TLN2: variants seen among roughly 807,000 people sequenced by gnomAD.
The protein encoded by TLN2 is talin-2.
Under a neutral mutation model 294.7 loss-of-function variants are expected in TLN2, and 118 were observed. That is an observed-to-expected ratio of 0.40 (90% CI 0.34 to 0.47). The LOEUF (loss-of-function observed/expected upper bound fraction) is 0.47, where lower values mean the gene tolerates loss of function less well. TLN2 is among the 20% of genes least tolerant of loss of function. The pLI is 0.84. For synonymous variants in TLN2, 1,431 were observed against 1,304.5 expected, an observed-to-expected ratio of 1.10 and a Z score of -2.09; for missense variants, 3,083 against 3,282.2, an observed-to-expected ratio of 0.94 and a Z score of 1.48.
At chr15:62,808,799 C>T (rs981343365) in intron 51 of TLN2, among the ~76,000 whole-genome samples, 4 of 152,172 alleles carry the variant, frequency 2.6e-5, no homozygotes, top group African/African-American at 9.7e-5. Context: ...TTCCTGCCTC[C>T]GAGCCCATTA....
At chr15:62,493,456 G>A (rs1287128002) in intron 1 of TLN2, among the ~76,000 whole-genome samples, 1 of 151,934 alleles carries the variant, frequency 6.6e-6, no homozygotes, top group Non-Finnish European at 1.5e-5. Context: ...TCCTCCCCTT[G>A]CTGTTGTATC....
At chr15:62,583,951 A>G (rs2045366592) in intron 1 of TLN2, among the ~76,000 whole-genome samples, 1 of 152,198 alleles carries the variant, frequency 6.6e-6, no homozygotes, top group African/African-American at 2.4e-5. Context: ...AAGCAGTGCA[A>G]TGTGATCTCT....
At chr15:62,700,068 T>G (rs1210996833) in intron 16 of TLN2, among the ~76,000 whole-genome samples, 1 of 152,218 alleles carries the variant, frequency 6.6e-6, no homozygotes, top group Non-Finnish European at 1.5e-5. Flanking sequence ...TGGAGGTTGC[T>G]GGTAAACTCA....
intron 55 of TLN2, 121 bp downstream of exon 55, chr15:62,833,750 G>A: frequency 7.2e-7 from 1 of 1,385,344 alleles, no homozygotes; most frequent in Non-Finnish European, 9.6e-7. Flanking sequence ...TTCCCTCCCT[G>A]AATTGCCACT....
chr15:62,458,727 C>T lies in TLN2; in HGVS notation c.-238+68042C>T, dbSNP rs531551571. ...AAGGCTACAGTGAGCCATGGTGGCACTGCTGCACTCCAACCTGGGCAACAT... is the reference window on the plus strand; with the variant it reads ...AAGGCTACAGTGAGCCATGGTGGCATTGCTGCACTCCAACCTGGGCAACAT... On this transcript the variant is annotated intron_variant, in intron 1 of 58. Transcript: ENST00000636159. Among the ~76,000 whole-genome samples the T allele has an allele frequency of 4.6e-5, 7 of 152,082 alleles. No homozygotes were observed. In the South Asian group the frequency reaches 1.5e-3, roughly 32 times the overall value.
intron 1 of TLN2, among the ~76,000 whole-genome samples, chr15:62,524,625 G>A (rs1415283673): frequency 6.6e-6 from 1 of 152,094 alleles, no homozygotes; most frequent in Non-Finnish European, 1.5e-5. Flanking sequence ...ACTTTAAACA[G>A]CCCTGTTTTG....
intron 48 of TLN2, among the ~76,000 whole-genome samples, chr15:62,799,958 C>G (rs1228723190): frequency 6.6e-6 from 1 of 152,186 alleles, no homozygotes; most frequent in Non-Finnish European, 1.5e-5. Context: ...GCCAGAGAGG[C>G]AGGCAGGGCT....
intron 1 of TLN2, among the ~76,000 whole-genome samples, chr15:62,444,388 C>T (rs575700479): frequency 6.6e-5 from 10 of 152,342 alleles, no homozygotes; most frequent in South Asian, 6.2e-4. Flanking sequence ...TTCCATGAAG[C>T]GGCATAGGCC....
chr15:62,473,447 A>G (rs114355558), intron 1 of TLN2, among the ~76,000 whole-genome samples: 220 of 152,254 alleles, frequency 1.4e-3, no homozygotes, highest in African/African-American at 5.1e-3. Context: ...GGAGCCAACA[A>G]CCAGGTTACA....
chr15:62,487,157 T>G (rs2038443306), intron 1 of TLN2, among the ~76,000 whole-genome samples: 1 of 152,202 alleles, frequency 6.6e-6, no homozygotes, highest in African/African-American at 2.4e-5. Context: ...AAGATGATGG[T>G]CCAGGCTGCT....
At chr15:62,403,225 A>G (rs2033153926) in intron 1 of TLN2, among the ~76,000 whole-genome samples, 1 of 150,480 alleles carries the variant, frequency 6.6e-6, no homozygotes. Context: ...CTCAAAAAAA[A>G]AAAAGAGAGG....
intron 2 of TLN2, among the ~76,000 whole-genome samples, chr15:62,605,026 G>A (rs1267750382): frequency 6.6e-6 from 1 of 152,076 alleles, no homozygotes; most frequent in African/African-American, 2.4e-5. Flanking sequence ...TGAAAAAACA[G>A]TATTTTGTTT....
chr15:62,594,946 T>C (rs1232321661), intron 2 of TLN2, among the ~76,000 whole-genome samples: 1 of 152,080 alleles, frequency 6.6e-6, no homozygotes, highest in African/African-American at 2.4e-5. Context: ...ACTCAAACAA[T>C]AGTAAGAAAA....
Position 62,582,223 on chromosome 15 carries a change from C to CACACACACAT in TLN2, c.-237-7455_-237-7454insTACACACACA, listed in dbSNP as rs1268053367. ...ACACACACACACACACACACACACACACACACACACACACACACACACACA... is the reference window on the plus strand; with the variant it reads ...ACACACACACACACACACACACACACACACACACATACACACACACACACACACACACACA... On this transcript the variant is annotated intron_variant, in intron 1 of 58. Coordinates refer to ENST00000636159, the MANE Select transcript of TLN2 (RefSeq NM_015059.3). Among the ~76,000 whole-genome samples, 127 of 144,278 alleles carry CACACACACAT rather than the reference C, an allele frequency of 8.8e-4. 1 individual carries two copies. The highest frequency in any genetic ancestry group is 1.5e-3 in the Non-Finnish European group (97 of 65,914). The allele number at this position is 144,278 out of a possible 152,430, so 94.7% of individuals were successfully genotyped here. A position where few individuals can be genotyped will look rare whatever the true frequency, so the allele number is the denominator to read the frequency against.
chr15:62,453,646 CAGCT>C (rs2036285246), intron 1 of TLN2: 1 of 152,188 alleles, frequency 6.6e-6, no homozygotes, highest in Non-Finnish European at 1.5e-5. Context: ...TTAATGCAGT[CAGCT>C]GTCCTCGAAT....
At chr15:62,693,979 T>C (rs1223173806) in intron 13 of TLN2, among the ~76,000 whole-genome samples, 21 of 40,676 alleles carry the variant, frequency 5.2e-4, no homozygotes, top group African/African-American at 1.2e-3. Context: ...TTTTTTTTTT[T>C]TTTTTTTGAG....
chr15:62,652,340 C>T (rs1040666355), intron 6 of TLN2, among the ~76,000 whole-genome samples: 1 of 152,174 alleles, frequency 6.6e-6, no homozygotes, highest in Middle Eastern at 3.2e-3. Context: ...CAACGGAGGG[C>T]TTTCATTTCC....
chr15:62,792,116 A>G (rs2221073), intron 45 of TLN2, among the ~76,000 whole-genome samples: 149,981 of 152,272 alleles, frequency 0.98, 73,895 homozygotes, highest in Middle Eastern at 1. Context: ...GGGGTGTTCT[A>G]GTTGGTAAAC....
At chr15:62,574,493 A>C (rs934436727) in intron 1 of TLN2, among the ~76,000 whole-genome samples, 5 of 139,426 alleles carry the variant, frequency 3.6e-5, no homozygotes, top group Admixed American at 7.7e-5. Flanking sequence ...AGGTGGGAGG[A>C]GTGTTTGAGC....
Sources: allele counts gnomAD v4.1 joint callset (sites outside exome capture counted in the v4.1 genomes callset), GRCh38; gene constraint gnomAD v4.1.1; transcripts MANE v1.5; gene names NCBI Gene and HGNC (gene_info 2026-07-23, HGNC 2026-07-21).